Variants in PLCB4 observed in about 807,000 individuals in gnomAD.
The protein encoded by PLCB4 is 1-phosphatidylinositol 4,5-bisphosphate phosphodiesterase beta-4.
In PLCB4, 77 loss-of-function variants were observed where a neutral mutation model predicts 178.8. The observed-to-expected ratio is 0.43, with a 90% CI of 0.36 to 0.52. The LOEUF is 0.52. Ranked by LOEUF, PLCB4 falls within the 20% of genes least tolerant of loss-of-function variation. PLCB4 has a pLI of 0.00. For synonymous variants in PLCB4, 496 were observed against 490.8 expected (o/e 1.01, Z -0.14); for missense variants, 1,024 against 1,453.4 (o/e 0.70, Z 4.80).
At chr20:9,344,584 G>A (rs2033603225) in intron 7 of PLCB4, among the ~76,000 whole-genome samples, 1 of 152,136 alleles carries the variant, frequency 6.6e-6, no homozygotes, top group Non-Finnish European at 1.5e-5. Context: ...CCTTAATGTT[G>A]TGCAACTCAA....
chr20:9,267,896 C>T (rs2147598260), intron 3 of PLCB4, among the ~76,000 whole-genome samples: 1 of 152,168 alleles, frequency 6.6e-6, no homozygotes, highest in South Asian at 2.1e-4. Context: ...AGACACCTGA[C>T]CATGGTAGCA....
chr20:9,269,366 C>T (rs967485789), intron 3 of PLCB4, among the ~76,000 whole-genome samples: 1 of 152,084 alleles, frequency 6.6e-6, no homozygotes, highest in African/African-American at 2.4e-5. Flanking sequence ...TGAACAAGCT[C>T]AATTCTGAGA....
intron 4 of PLCB4, among the ~76,000 whole-genome samples, chr20:9,324,612 G>A (rs1207434271): frequency 6.6e-6 from 1 of 152,168 alleles, no homozygotes; most frequent in Non-Finnish European, 1.5e-5. Context: ...CTCAGGATAA[G>A]CCTCCAGGAC....
At chr20:9,278,473 T>A (rs1318230164) in intron 3 of PLCB4, among the ~76,000 whole-genome samples, 1 of 152,076 alleles carries the variant, frequency 6.6e-6, no homozygotes, top group Non-Finnish European at 1.5e-5. Context: ...ACAGAAAATA[T>A]CTTTACAAAG....
rs373731824 is a variant in PLCB4, at chr20:9,316,052, G to A, written c.84+8154G>A. Reference sequence around the variant, plus strand: ...GAGGCAAACATAGTCTTGGCATGTCGAAAGAAGAGCACCAAGGGTGGAGTG... The same window carrying A: ...GAGGCAAACATAGTCTTGGCATGTCAAAAGAAGAGCACCAAGGGTGGAGTG... On this transcript the variant is annotated intron_variant, in intron 4 of 39. Transcript: ENST00000378473. 1.1e-4 allele frequency among the ~76,000 whole-genome samples: 16 copies of A among 152,234 alleles called. No homozygotes were observed. In the East Asian group the frequency reaches 2.9e-3, roughly 28 times the overall value.
chr20:9,365,561 G>C, intron 9 of PLCB4, 47 bp downstream of exon 9: 1 of 1,145,046 alleles, frequency 8.7e-7, no homozygotes, highest in Non-Finnish European at 1.3e-6. Flanking sequence ...GTCAACGCTT[G>C]TCATCCCAAA....
At chr20:9,310,557 A>C (rs2094820180) in intron 4 of PLCB4, among the ~76,000 whole-genome samples, 4 of 151,890 alleles carry the variant, frequency 2.6e-5, no homozygotes, top group Admixed American at 2.6e-4. Context: ...AAAAATATAA[A>C]AAAAAATAGC....
intron 32 of PLCB4, among the ~76,000 whole-genome samples, chr20:9,445,318 G>T (rs2042350749): frequency 6.6e-6 from 1 of 152,188 alleles, no homozygotes; most frequent in African/African-American, 2.4e-5. Flanking sequence ...TAATTTGAAA[G>T]AACTTCTGAG....
intron 4 of PLCB4, among the ~76,000 whole-genome samples, chr20:9,308,777 G>A (rs1039239565): frequency 1.3e-5 from 2 of 152,138 alleles, no homozygotes; most frequent in Non-Finnish European, 2.9e-5. Context: ...TAGATTTACA[G>A]GATAGTCACT....
At chr20:9,279,764 G>A (rs144909469) in intron 3 of PLCB4, among the ~76,000 whole-genome samples, 192 of 152,120 alleles carry the variant, frequency 1.3e-3, no homozygotes, top group African/African-American at 4.3e-3. Context: ...ACTGGCTAAC[G>A]TTTGAGTATT....
chr20:9,232,608 T>A (rs562496889), intron 3 of PLCB4, among the ~76,000 whole-genome samples: 1 of 152,098 alleles, frequency 6.6e-6, no homozygotes, highest in Non-Finnish European at 1.5e-5. Context: ...ACTTATTTAG[T>A]TGAATTATGG....
At chr20:9,230,989 CAG>C (rs1422266686) in intron 3 of PLCB4, among the ~76,000 whole-genome samples, 1 of 152,082 alleles carries the variant, frequency 6.6e-6, no homozygotes, top group Non-Finnish European at 1.5e-5. Context: ...ATATTAATAA[CAG>C]ACTTTGCTTA....
intron 2 of PLCB4, among the ~76,000 whole-genome samples, chr20:9,184,272 T>C (rs2093294174): frequency 6.6e-6 from 1 of 152,198 alleles, no homozygotes. Context: ...TTAGCTTCTT[T>C]TATGGCTTTA....
intron 20 of PLCB4, among the ~76,000 whole-genome samples, chr20:9,402,563 C>T (rs2039109873): frequency 6.6e-6 from 1 of 152,116 alleles, no homozygotes; most frequent in African/African-American, 2.4e-5. Flanking sequence ...GCTGTGGTTG[C>T]CATATGGAGA....
chr20:9,078,596 A>G (rs1445129867), intron 1 of PLCB4, among the ~76,000 whole-genome samples: 1 of 151,778 alleles, frequency 6.6e-6, no homozygotes, highest in Non-Finnish European at 1.5e-5. Context: ...TCCTGACCTC[A>G]AATGATCTGC....
intron 26 of PLCB4, among the ~76,000 whole-genome samples, chr20:9,420,252 A>G (rs1163270869): frequency 6.6e-6 from 1 of 152,226 alleles, no homozygotes; most frequent in South Asian, 2.1e-4. Context: ...ACTTCAGGTG[A>G]TGATACAAAT....
chr20:9,216,935 CA>C (rs1238937461), intron 2 of PLCB4, among the ~76,000 whole-genome samples: 1 of 152,068 alleles, frequency 6.6e-6, no homozygotes, highest in Non-Finnish European at 1.5e-5. Context: ...AACTTAATAA[CA>C]AAGACAATAC....
intron 12 of PLCB4, among the ~76,000 whole-genome samples, chr20:9,373,341 C>T (rs561069666): frequency 6.6e-6 from 1 of 152,254 alleles, no homozygotes; most frequent in African/African-American, 2.4e-5. Context: ...ACATGTAGCT[C>T]TGGTTCTGTG....
chr20:9,473,497 C>T, intron 38 of PLCB4, 132 bp downstream of exon 38: 1 of 456,382 alleles, frequency 2.2e-6, no homozygotes, highest in Non-Finnish European at 4.0e-6. Context: ...TTGCCCATTA[C>T]TATATTTTCT....
Sources: allele counts gnomAD v4.1 joint callset (sites outside exome capture counted in the v4.1 genomes callset), GRCh38; gene constraint gnomAD v4.1.1; transcripts MANE v1.5; gene names NCBI Gene and HGNC (gene_info 2026-07-23, HGNC 2026-07-21).